Variants in CSGALNACT1 observed in about 807,000 individuals in gnomAD.
The protein encoded by CSGALNACT1 is chondroitin sulfate N-acetylgalactosaminyltransferase 1.
Under a neutral mutation model 51.0 loss-of-function variants are expected in CSGALNACT1, and 52 were observed. That is an observed-to-expected ratio of 1.02 (90% CI 0.82 to 1.29). The LOEUF (loss-of-function observed/expected upper bound fraction) is 1.29, where lower values mean the gene tolerates loss of function less well. Ranked by LOEUF, CSGALNACT1 falls within the 50% of genes most tolerant of loss-of-function variation. The pLI is 0.00. For synonymous variants in CSGALNACT1, 341 were observed against 254.4 expected, an observed-to-expected ratio of 1.34 and a Z score of -3.24; for missense variants, 935 against 679.2, an observed-to-expected ratio of 1.38 and a Z score of -4.19.
At chr8:19,532,179 A>G (rs2082900847) in intron 3 of CSGALNACT1, among the ~76,000 whole-genome samples, 1 of 151,728 alleles carries the variant, frequency 6.6e-6, no homozygotes, top group African/African-American at 2.4e-5. Context: ...ATTAAAAAAA[A>G]AAAACATGTT....
intron 4 of CSGALNACT1, among the ~76,000 whole-genome samples, chr8:19,470,014 G>C (rs942395141): frequency 2.6e-5 from 4 of 152,188 alleles, no homozygotes; most frequent in Non-Finnish European, 2.9e-5. Flanking sequence ...CGAGTTGACA[G>C]AATGTTTTTT....
chr8:19,502,188 C>T (rs1370193353), intron 4 of CSGALNACT1, among the ~76,000 whole-genome samples: 1 of 152,184 alleles, frequency 6.6e-6, no homozygotes, highest in Non-Finnish European at 1.5e-5. Context: ...GCTTGTCCTG[C>T]CTGGGTCACC....
chr8:19,667,015 G>GA (rs1564386293), intron 1 of CSGALNACT1, among the ~76,000 whole-genome samples: 3 of 31,386 alleles, frequency 9.6e-5, no homozygotes, highest in African/African-American at 4.3e-4. Flanking sequence ...AAGAAAGAAA[G>GA]AAAGGAAGGA....
chr8:19,509,265 G>A (rs1177803048), intron 3 of CSGALNACT1, among the ~76,000 whole-genome samples: 4 of 152,074 alleles, frequency 2.6e-5, no homozygotes, highest in Admixed American at 6.6e-5. Flanking sequence ...TTTACCCTTC[G>A]GATTCTTGCT....
At chr8:19,405,698 G>A (rs761065402) in exon 10 of CSGALNACT1, 40 of 1,555,006 alleles carry the variant, frequency 2.6e-5, no homozygotes, top group Non-Finnish European at 3.5e-5. Flanking sequence ...CGTCCTTTAT[G>A]GAAGTCTTTT....
chr8:19,492,460 G>C (rs749771194), intron 4 of CSGALNACT1, among the ~76,000 whole-genome samples: 3 of 152,176 alleles, frequency 2.0e-5, no homozygotes, highest in Non-Finnish European at 2.9e-5. Context: ...GCATTTTTCT[G>C]CATTTTTACT....
intron 3 of CSGALNACT1, among the ~76,000 whole-genome samples, chr8:19,533,178 G>A (rs1287982688): frequency 1.9e-4 from 29 of 152,198 alleles, no homozygotes; most frequent in Non-Finnish European, 1.5e-4. Context: ...GTGTGGTGAC[G>A]ATGTCATAGC....
chr8:19,663,611 C>T (rs1224492555), intron 1 of CSGALNACT1, among the ~76,000 whole-genome samples: 1 of 152,168 alleles, frequency 6.6e-6, no homozygotes, highest in Non-Finnish European at 1.5e-5. Context: ...GCTTCAAATT[C>T]ACATCCTGTA....
At chr8:19,514,477 A>G (rs11780217) in intron 3 of CSGALNACT1, among the ~76,000 whole-genome samples, 3 of 58,156 alleles carry the variant, frequency 5.2e-5, no homozygotes, top group Non-Finnish European at 7.2e-5. Context: ...AACAGAGACT[A>G]TATATATATA....
chr8:19,562,084 G>A lies in CSGALNACT1; in HGVS notation c.-297+29076C>T, dbSNP rs373343799. Among the ~76,000 whole-genome samples the A allele has an allele frequency of 1.3e-4, 20 of 152,220 alleles. No individual in the cohort carries two copies. In the East Asian group the frequency reaches 2.7e-3, roughly 21 times the overall value. ...CACCTGACAAGTATGGGTCCTGGGG[G>A]AGGAAAGCTGCTGTGGTCCCACTCT... On this transcript the variant is annotated intron_variant, in intron 3 of 9. Coordinates refer to ENST00000454498, the Ensembl canonical transcript of CSGALNACT1.
At chr8:19,432,533 C>G (rs991652543) in intron 6 of CSGALNACT1, among the ~76,000 whole-genome samples, 4 of 152,020 alleles carry the variant, frequency 2.6e-5, no homozygotes, top group Non-Finnish European at 4.4e-5. Flanking sequence ...CTTCTCTATC[C>G]CCTTCTTGAC....
chr8:19,451,494 A>T (rs959212787), intron 5 of CSGALNACT1, among the ~76,000 whole-genome samples: 1 of 152,228 alleles, frequency 6.6e-6, no homozygotes, highest in African/African-American at 2.4e-5. Context: ...CTTAGTGCAC[A>T]CACTGTGTGC....
At chr8:19,414,941 T>TACGTA (rs1283784845) in intron 8 of CSGALNACT1, among the ~76,000 whole-genome samples, 4 of 152,212 alleles carry the variant, frequency 2.6e-5, no homozygotes, top group Non-Finnish European at 1.5e-5. Flanking sequence ...CTCCAACCAT[T>TACGTA]ACTTTTAATT....
Position 19,757,409 on chromosome 8 carries a change from G to C in CSGALNACT1, c.-297+441C>G, listed in dbSNP as rs908640238. 7 of 152,376 alleles carry C rather than the reference G, an allele frequency of 4.6e-5. No individual in the cohort carries two copies. The highest frequency in any genetic ancestry group is 1.7e-4 in the African/African-American group (7 of 41,358). The allele number at this position is 152,376 out of a possible 1,614,324, so 9.4% of individuals were successfully genotyped here. The stretch of plus-strand genomic sequence containing the variant: ...CCCCGCCGCAGGGTAGGTCCGGCGG[G>C]GGCGGCCAAGGCCGGGCTGGGGTCG... On this transcript the variant is annotated intron_variant, in intron 1 of 1. Transcript: ENST00000517494. The surrounding 1 kb of genome is among the most constrained non-coding windows in gnomAD (Gnocchi z 4.0).
intron 1 of CSGALNACT1, among the ~76,000 whole-genome samples, chr8:19,698,967 CTA>C (rs2061720758): frequency 1.3e-5 from 2 of 152,172 alleles, no homozygotes; most frequent in African/African-American, 4.8e-5. Flanking sequence ...TTAAACATCT[CTA>C]GATTACTCAT....
chr8:19,505,270 C>T (rs1587430032), exon 4 of CSGALNACT1: 1 of 1,614,082 alleles, frequency 6.2e-7, no homozygotes. Context: ...TTCAGGGTCT[C>T]CAAGGCTGAT....
chr8:19,557,166 T>A (rs920724828), intron 3 of CSGALNACT1, among the ~76,000 whole-genome samples: 11 of 152,156 alleles, frequency 7.2e-5, no homozygotes, highest in African/African-American at 2.2e-4. Flanking sequence ...TTGCCTCTTC[T>A]AGACACATCA....
chr8:19,709,349 GC>G (rs2062366431), intron 1 of CSGALNACT1, among the ~76,000 whole-genome samples: 1 of 152,242 alleles, frequency 6.6e-6, no homozygotes, highest in South Asian at 2.1e-4. Context: ...CATCAGGCCT[GC>G]CTTCAAGGGG....
chr8:19,532,980 C>T (rs2083070134), intron 3 of CSGALNACT1, among the ~76,000 whole-genome samples: 1 of 152,136 alleles, frequency 6.6e-6, no homozygotes, highest in African/African-American at 2.4e-5. Flanking sequence ...CTTCTTCTAC[C>T]CCAACTTTTA....
Sources: gnomAD v4.1 joint callset for allele counts (sites outside exome capture counted in the v4.1 genomes callset) on GRCh38, gnomAD v4.1.1 for gene constraint, Gnocchi (gnomAD v3.1) non-coding constraint, MANE v1.5 for transcripts, NCBI Gene and HGNC (gene_info 2026-07-23, HGNC 2026-07-21) for gene names.